Variants in SLC22A14 observed in about 807,000 individuals in gnomAD.
SLC22A14 encodes organic cation transporter-like 4.
A neutral mutation model predicts 53.9 loss-of-function variants in SLC22A14; 50 were observed. The ratio of observed to expected loss-of-function variants is 0.93; its 90% confidence interval spans 0.74 to 1.17. The LOEUF (loss-of-function observed/expected upper bound fraction) is 1.17. Among genes scored for constraint, SLC22A14 ranks in the 50% most tolerant of loss-of-function variants. SLC22A14 has a pLI of 0.00. For synonymous variants in SLC22A14, 312 were observed against 303.0 expected (o/e 1.03, Z -0.31); for missense variants, 671 against 734.7 (o/e 0.91, Z 1.00).
chr3:38,310,436 T>C (rs918035507), intron 5 of SLC22A14, among the ~76,000 whole-genome samples: 3 of 152,156 alleles, frequency 2.0e-5, no homozygotes, highest in Non-Finnish European at 2.9e-5. Context: ...TCCACAGCTT[T>C]TTCCTGGCCC....
At chr3:38,290,420 A>G (rs186819732) in intron 1 of SLC22A14, among the ~76,000 whole-genome samples, 96 of 152,376 alleles carry the variant, frequency 6.3e-4, no homozygotes, top group Non-Finnish European at 1.1e-3. Flanking sequence ...GTAGTTTTAC[A>G]GCTTTGATTC....
intron 1 of SLC22A14, among the ~76,000 whole-genome samples, chr3:38,296,648 G>A (rs558614962): frequency 1.3e-5 from 2 of 152,078 alleles, no homozygotes; most frequent in South Asian, 4.2e-4. Flanking sequence ...CTTGTTGTCT[G>A]ACTTGGGGTT....
chr3:38,288,248 A>AAC (rs1241450685), intron 1 of SLC22A14, among the ~76,000 whole-genome samples: 1 of 152,192 alleles, frequency 6.6e-6, no homozygotes, highest in African/African-American at 2.4e-5. Context: ...TTCATACTGT[A>AAC]ACATGTATTA....
chr3:38,281,465 C>G (rs1703667195), upstream of SLC22A14, among the ~76,000 whole-genome samples: 1 of 152,158 alleles, frequency 6.6e-6, no homozygotes, highest in African/African-American at 2.4e-5. Context: ...TAAGGGCCTT[C>G]TTGCTGTTGG....
At chr3:38,284,123 C>T (rs1703735103) in intron 1 of SLC22A14, among the ~76,000 whole-genome samples, 1 of 152,162 alleles carries the variant, frequency 6.6e-6, no homozygotes, top group Non-Finnish European at 1.5e-5. Context: ...GAACAGCAGT[C>T]GCAGTCTGAG....
rs1241332717 is a variant in SLC22A14, at chr3:38,307,530, C to G, written c.621-36C>G. 1 of 1,607,870 alleles carries G rather than the reference C, an allele frequency of 6.2e-7. No homozygotes were observed. The highest frequency in any genetic ancestry group is 1.7e-5 in the Admixed American group (1 of 59,804). ...CCGGCTGGGGCCAGCCCGGGAGATC[C>G]CGGCACTTGGTGCAGCCTCCCTTTG... On this transcript the variant is annotated intron_variant, in intron 3 of 10. Transcript: ENST00000448498. The surrounding 1 kb of genome is among the most constrained non-coding windows in gnomAD (Gnocchi z 4.4).
In SLC22A14 at chr3:38,307,471, C is replaced by T; in HGVS notation, c.621-95C>T. The T allele has an allele frequency of 6.4e-7, 1 of 1,559,230 alleles. No individual in the cohort carries two copies. The highest frequency in any genetic ancestry group is 8.8e-7 in the Non-Finnish European group (1 of 1,133,594). ...GGTGAGGGTAGGGGTTCTCCAGGGA[C>T]CCATGGATGGCTCAGGGCCTGGCCC... On this transcript the variant is annotated intron_variant, in intron 3 of 10. Transcript: ENST00000448498. This position sits in a 1 kb window ranked among gnomAD's most constrained non-coding sequence, Gnocchi z 4.4.
intron 1 of SLC22A14, among the ~76,000 whole-genome samples, chr3:38,299,097 A>G (rs547164018): frequency 1.8e-4 from 27 of 152,142 alleles, no homozygotes; most frequent in Admixed American, 4.6e-4. Flanking sequence ...TTTCTTCCCC[A>G]TCCTCTTCAA....
intron 7 of SLC22A14, 71 bp from the exon 8 acceptor site, chr3:38,313,656 C>T (rs1040944232): frequency 2.1e-5 from 15 of 709,526 alleles, no homozygotes; most frequent in Admixed American, 1.5e-4. Flanking sequence ...GCTGCTCTGC[C>T]TCTGTCTTTA....
At chr3:38,289,535 A>G (rs1028351441) in intron 1 of SLC22A14, among the ~76,000 whole-genome samples, 1 of 152,198 alleles carries the variant, frequency 6.6e-6, no homozygotes, top group African/African-American at 2.4e-5. Context: ...ATTCTAAGGA[A>G]TGGAATCTTG....
intron 2 of SLC22A14, 48 bp downstream of exon 2, chr3:38,306,590 T>G: frequency 6.5e-7 from 1 of 1,544,170 alleles, no homozygotes. Context: ...GGCTCAGAGT[T>G]GTGCCTCCCA....
At position 38,291,724 on chromosome 3, in the gene SLC22A14, G is replaced by A. The variant is rs1464265474; in HGVS notation, c.-1+9385G>A. The stretch of plus-strand genomic sequence containing the variant: ...TCTGTGACATATAAAGAAAAGTCTT[G>A]CCCCGTTGGCAAGTTTAACACTGGG... On this transcript the variant is annotated intron_variant, in intron 1 of 10. Transcript: ENST00000448498. Among the ~76,000 whole-genome samples the A allele has an allele frequency of 2.0e-5, 3 of 152,142 alleles. No homozygotes were observed. In the South Asian group the frequency reaches 6.2e-4, roughly 32 times the overall value.
At chr3:38,317,913 C>T (rs375527139) in intron 10 of SLC22A14, among the ~76,000 whole-genome samples, 2 of 152,318 alleles carry the variant, frequency 1.3e-5, no homozygotes, top group Admixed American at 1.3e-4. Flanking sequence ...CTACATAAAG[C>T]AGCTGGCACA....
chr3:38,301,510 A>G (rs749214579), intron 1 of SLC22A14, among the ~76,000 whole-genome samples: 1 of 152,190 alleles, frequency 6.6e-6, no homozygotes, highest in Non-Finnish European at 1.5e-5. Flanking sequence ...CAGAAATGCA[A>G]TTGACTTTTA....
rs991560183 is a variant in SLC22A14, at chr3:38,307,913, CAG to C, written c.775+194_775+195del. The C allele has an allele frequency of 8.7e-5, 54 of 617,228 alleles. No homozygotes were observed. In the African/African-American group the frequency reaches 9.4e-4, roughly 11 times the overall value. 38.2% of individuals were successfully genotyped at this position (617,228 alleles called of 1,614,324 possible). On this transcript the variant is annotated intron_variant, in intron 4 of 10. Coordinates refer to ENST00000448498, the MANE Select transcript of SLC22A14 (RefSeq NM_001320033.2). The surrounding 1 kb of genome is among the most constrained non-coding windows in gnomAD (Gnocchi z 4.4). ...GCTGGGATCCCACAGGACACAGAGT[CAG>C]GGGCCTAATTGGACAGGCAGAAGTG...
chr3:38,294,825 G>A (rs375528131), intron 1 of SLC22A14, among the ~76,000 whole-genome samples: 2 of 152,072 alleles, frequency 1.3e-5, no homozygotes, highest in Non-Finnish European at 2.9e-5. Context: ...TCAGGGGTGA[G>A]TCCTAGAGCT....
chr3:38,281,949 G>A (rs1703678133), upstream of SLC22A14, among the ~76,000 whole-genome samples: 1 of 152,210 alleles, frequency 6.6e-6, no homozygotes, highest in Admixed American at 6.5e-5. Flanking sequence ...AAGGCTGGTT[G>A]GCAGGGGAGT....
intron 5 of SLC22A14, among the ~76,000 whole-genome samples, chr3:38,310,585 G>T (rs1009686787): frequency 6.6e-6 from 1 of 152,138 alleles, no homozygotes; most frequent in Non-Finnish European, 1.5e-5. Context: ...TGACATGGCA[G>T]GGGCTATTAT....
In SLC22A14 at chr3:38,316,195, A is replaced by C. The variant is rs114794983; in HGVS notation, c.1533-129A>C. The C allele has an allele frequency of 3.0e-3, 2,315 of 782,926 alleles. 40 individuals are homozygous for C. In the African/African-American group the frequency reaches 0.032, roughly 11 times the overall value. 48.5% of individuals were successfully genotyped at this position (782,926 alleles called of 1,614,324 possible). A position where few individuals can be genotyped will look rare whatever the true frequency, so the allele number is the denominator to read the frequency against. On this transcript the variant is annotated intron_variant, in intron 9 of 10. Transcript: ENST00000448498. Reference sequence around the variant, plus strand: ...GGAGGCCCAGAAGAAATTATTGCCTACTTGGAATCACACAATGAGGATGGG... The same window carrying C: ...GGAGGCCCAGAAGAAATTATTGCCTCCTTGGAATCACACAATGAGGATGGG...
Sources: allele counts gnomAD v4.1 joint callset (sites outside exome capture counted in the v4.1 genomes callset), GRCh38; gene constraint gnomAD v4.1.1; non-coding constraint Gnocchi (gnomAD v3.1); transcripts MANE v1.5; gene names NCBI Gene and HGNC (gene_info 2026-07-23, HGNC 2026-07-21).